Variants in ANO2 observed in about 807,000 individuals in gnomAD.
The protein encoded by ANO2 is anoctamin-2.
Under a neutral mutation model 124.2 loss-of-function variants are expected in ANO2, and 101 were observed. The observed-to-expected ratio is 0.81, with a 90% CI of 0.69 to 0.96. The LOEUF is 0.96. ANO2 is among the 40% of genes least tolerant of loss of function. The probability of loss-of-function intolerance (pLI) is 0.00; values close to 1 mark genes in which losing one functional copy is unlikely to be tolerated. For synonymous variants in ANO2, 486 were observed against 482.5 expected (o/e 1.01, Z -0.09); for missense variants, 1,293 against 1,274.5 (o/e 1.01, Z -0.22).
At chr12:5,594,037 A>C (rs1018493333) in intron 20 of ANO2, among the ~76,000 whole-genome samples, 5 of 152,232 alleles carry the variant, frequency 3.3e-5, no homozygotes, top group African/African-American at 1.2e-4. Flanking sequence ...CACTTAATAA[A>C]ATATGAAATA....
At position 5,862,599 on chromosome 12, in the gene ANO2, C is replaced by T. The variant is rs1955304905; in HGVS notation, c.535-8458G>A. On this transcript the variant is annotated intron_variant, in intron 3 of 24. Transcript: ENST00000682330. This position sits in a 1 kb window ranked among gnomAD's most constrained non-coding sequence, Gnocchi z 4.0. ...AGCCCAGGGAGACTGAGGAGTCCAA[C>T]CCTCTGATAGGGTCTGACTCTGTCC... Among the ~76,000 whole-genome samples the T allele has an allele frequency of 1.3e-5, 2 of 152,128 alleles. No individual in the cohort carries two copies. Among genetic ancestry groups the T allele is most frequent in the South Asian group, 2.1e-4 (1 of 4,816 alleles).
At chr12:5,778,901 G>A (rs1035967721) in intron 10 of ANO2, among the ~76,000 whole-genome samples, 23 of 152,216 alleles carry the variant, frequency 1.5e-4, no homozygotes, top group African/African-American at 5.5e-4. Flanking sequence ...TCAGAAGAGT[G>A]TAAGTTTCTT....
chr12:5,690,869 C>A (rs1002837231), intron 14 of ANO2, among the ~76,000 whole-genome samples: 1 of 152,102 alleles, frequency 6.6e-6, no homozygotes, highest in African/African-American at 2.4e-5. Context: ...GGAATTACGC[C>A]TAAAATAATT....
Position 5,578,095 on chromosome 12 carries a change from T to A in ANO2, c.2387-88A>T, listed in dbSNP as rs904622430. 7.4e-6 allele frequency: 11 copies of A among 1,491,168 alleles called. No homozygotes were observed. The Admixed American group carries it at 1.8e-4, about 25-fold the overall frequency. 92.4% of individuals were successfully genotyped at this position (1,491,168 alleles called of 1,614,324 possible). A position where few individuals can be genotyped will look rare whatever the true frequency, so the allele number is the denominator to read the frequency against. ...GAAGCTCCAGGTGATGTTTTGCAGGTGAACTACGGAGCAGCTTTGCTGGGC... is the reference window on the plus strand; with the variant it reads ...GAAGCTCCAGGTGATGTTTTGCAGGAGAACTACGGAGCAGCTTTGCTGGGC... On this transcript the variant is annotated intron_variant, in intron 21 of 24. Transcript: ENST00000682330.
chr12:5,671,763 C>A (rs1233172466), intron 14 of ANO2, among the ~76,000 whole-genome samples: 1 of 152,168 alleles, frequency 6.6e-6, no homozygotes, highest in Non-Finnish European at 1.5e-5. Flanking sequence ...ATATACTCAG[C>A]CATTTTCTTT....
chr12:5,891,189 G>A (rs760576889), intron 3 of ANO2, among the ~76,000 whole-genome samples: 4 of 152,170 alleles, frequency 2.6e-5, no homozygotes, highest in Non-Finnish European at 5.9e-5. Flanking sequence ...GACAGAGAGA[G>A]CCGAGGAGAA....
chr12:5,630,627 G>A (rs1159376858), intron 16 of ANO2, among the ~76,000 whole-genome samples: 2 of 152,164 alleles, frequency 1.3e-5, no homozygotes, highest in East Asian at 1.9e-4. Context: ...CCTAGCCTAT[G>A]GGCATTCCTT....
At chr12:5,833,228 G>A (rs1350474792) in intron 4 of ANO2, among the ~76,000 whole-genome samples, 1 of 152,180 alleles carries the variant, frequency 6.6e-6, no homozygotes, top group African/African-American at 2.4e-5. Flanking sequence ...CTTGAGTAAG[G>A]CATAGATTTA....
intron 4 of ANO2, chr12:5,839,649 G>A (rs1047528214): frequency 1.3e-5 from 6 of 455,760 alleles, no homozygotes; most frequent in African/African-American, 1.0e-4. Context: ...GGTAAGCCCT[G>A]GAGAAACACA....
chr12:5,841,231 G>A (rs1330773899), intron 4 of ANO2, among the ~76,000 whole-genome samples: 1 of 152,176 alleles, frequency 6.6e-6, no homozygotes, highest in African/African-American at 2.4e-5. Context: ...ACAGCGCCAG[G>A]AGCAGCCAAG....
chr12:5,864,135 C>T (rs1201490572), intron 3 of ANO2, among the ~76,000 whole-genome samples: 1 of 151,990 alleles, frequency 6.6e-6, no homozygotes, highest in Non-Finnish European at 1.5e-5. Context: ...TTCTTGGATC[C>T]CACATAAAAA....
chr12:5,746,163 T>C (rs1196352661), intron 11 of ANO2, among the ~76,000 whole-genome samples: 1 of 152,162 alleles, frequency 6.6e-6, no homozygotes, highest in African/African-American at 2.4e-5. Flanking sequence ...TGAATCCTAG[T>C]TGGAACTAGT....
chr12:5,620,353 C>T (rs1945049947), intron 16 of ANO2, among the ~76,000 whole-genome samples: 1 of 152,150 alleles, frequency 6.6e-6, no homozygotes, highest in Non-Finnish European at 1.5e-5. Flanking sequence ...ACCCTAGGAC[C>T]CACAGCCCTG....
chr12:5,870,964 A>G (rs1474231397), intron 3 of ANO2, among the ~76,000 whole-genome samples: 1 of 152,246 alleles, frequency 6.6e-6, no homozygotes. Flanking sequence ...GGAAGATGGC[A>G]AAGTGTTTTG....
intron 14 of ANO2, among the ~76,000 whole-genome samples, chr12:5,675,375 T>C (rs574541476): frequency 5.9e-5 from 9 of 152,176 alleles, no homozygotes; most frequent in Non-Finnish European, 1.3e-4. Context: ...TCAAACTCTC[T>C]GGGGGCAGAG....
At chr12:5,694,734 TTTTGTTTG>T (rs575589730) in intron 14 of ANO2, among the ~76,000 whole-genome samples, 6 of 152,058 alleles carry the variant, frequency 3.9e-5, no homozygotes, top group Admixed American at 1.3e-4. Context: ...GTTTTCTTTG[TTTTGTTTG>T]TTTGTTTGTT....
intron 3 of ANO2, among the ~76,000 whole-genome samples, chr12:5,893,677 T>C (rs1251858745): frequency 2.6e-5 from 4 of 151,762 alleles, no homozygotes; most frequent in Non-Finnish European, 5.9e-5. Context: ...TGTGTGATGT[T>C]CCCCTCCCTG....
chr12:5,663,057 G>A (rs1168658502), intron 14 of ANO2, among the ~76,000 whole-genome samples: 1 of 152,190 alleles, frequency 6.6e-6, no homozygotes, highest in Admixed American at 6.5e-5. Flanking sequence ...TAAGTGAAAT[G>A]ACCCGTTAAG....
At chr12:5,857,443 C>T (rs1272054569) in intron 3 of ANO2, among the ~76,000 whole-genome samples, 1 of 152,168 alleles carries the variant, frequency 6.6e-6, no homozygotes, top group Non-Finnish European at 1.5e-5. Context: ...TTTGAGGGAC[C>T]TCCATTCTGC....
Sources: allele counts gnomAD v4.1 joint callset (sites outside exome capture counted in the v4.1 genomes callset), GRCh38; gene constraint gnomAD v4.1.1; non-coding constraint Gnocchi (gnomAD v3.1); transcripts MANE v1.5; gene names NCBI Gene and HGNC (gene_info 2026-07-23, HGNC 2026-07-21).